PCDH15: variants seen among roughly 807,000 people sequenced by gnomAD.
PCDH15 encodes protocadherin related 15.
In PCDH15, 129 loss-of-function variants were observed where a neutral mutation model predicts 178.5. The observed-to-expected ratio is 0.72, with a 90% CI of 0.63 to 0.84. The LOEUF (loss-of-function observed/expected upper bound fraction) is 0.84, where lower values mean the gene tolerates loss of function less well. Ranked by LOEUF, PCDH15 falls within the 40% of genes least tolerant of loss-of-function variation. The pLI, the probability that PCDH15 is intolerant of heterozygous loss-of-function variation, is 0.00. For missense variants in PCDH15, 2,230 were observed against 2,099.9 expected (o/e 1.06, Z -1.21); for synonymous variants, 800 against 732.0 (o/e 1.09, Z -1.50).
chr10:55,020,605 TTG>T (rs1168633723), intron 2 of PCDH15, among the ~76,000 whole-genome samples: 2 of 152,176 alleles, frequency 1.3e-5, no homozygotes, highest in Non-Finnish European at 2.9e-5. Flanking sequence ...GAAATACATC[TTG>T]GGATCTCAAA....
chr10:54,438,179 A>G (rs1401685787), intron 3 of PCDH15, among the ~76,000 whole-genome samples: 1 of 151,870 alleles, frequency 6.6e-6, no homozygotes, highest in Non-Finnish European at 1.5e-5. Context: ...TTGTTTATCC[A>G]GATGTCCTTC....
At chr10:53,815,606 C>T (rs1319079649) in intron 35 of PCDH15, among the ~76,000 whole-genome samples, 1 of 151,880 alleles carries the variant, frequency 6.6e-6, no homozygotes, top group African/African-American at 2.4e-5. Context: ...ATTCTGTACT[C>T]AAGGAAAAGG....
At chr10:54,956,143 T>A (rs1041255783) in intron 2 of PCDH15, among the ~76,000 whole-genome samples, 1 of 151,394 alleles carries the variant, frequency 6.6e-6, no homozygotes. Context: ...CAGTATTGAT[T>A]GACAGGCCAT....
chr10:54,014,857 A>G (rs1298444640), intron 20 of PCDH15, among the ~76,000 whole-genome samples: 1 of 152,150 alleles, frequency 6.6e-6, no homozygotes, highest in Non-Finnish European at 1.5e-5. Context: ...GAAACGAGAT[A>G]AGGATGTCCT....
chr10:54,797,256 G>C (rs1171554788), intron 1 of PCDH15, among the ~76,000 whole-genome samples: 1 of 151,910 alleles, frequency 6.6e-6, no homozygotes, highest in East Asian at 1.9e-4. Flanking sequence ...ATCCATCAAG[G>C]AACACAATAA....
chr10:54,796,335 G>T (rs1177669011), intron 1 of PCDH15, among the ~76,000 whole-genome samples: 1 of 136,708 alleles, frequency 7.3e-6, no homozygotes, highest in African/African-American at 2.8e-5. Context: ...CATCATCTAG[G>T]TATCTATATC....
intron 2 of PCDH15, among the ~76,000 whole-genome samples, chr10:55,626,033 C>T (rs1286603661): frequency 6.6e-6 from 1 of 151,946 alleles, no homozygotes; most frequent in East Asian, 1.9e-4. Flanking sequence ...TTCAGGGCAA[C>T]CCAACTGTGA....
intron 2 of PCDH15, among the ~76,000 whole-genome samples, chr10:55,623,036 T>C (rs552996596): frequency 6.6e-6 from 1 of 152,296 alleles, no homozygotes; most frequent in Admixed American, 6.5e-5. Flanking sequence ...CTGTTTTCCA[T>C]ATTTTCAAAC....
intron 2 of PCDH15, among the ~76,000 whole-genome samples, chr10:55,336,660 G>A (rs1351844845): frequency 6.6e-6 from 1 of 152,004 alleles, no homozygotes; most frequent in Non-Finnish European, 1.5e-5. Flanking sequence ...TGAATAAACA[G>A]GGCTTGCTAA....
At chr10:53,868,061 G>A (rs955611400) in intron 26 of PCDH15, among the ~76,000 whole-genome samples, 6 of 151,664 alleles carry the variant, frequency 4.0e-5, no homozygotes, top group East Asian at 1.9e-4. Context: ...TGTCTAATTA[G>A]GGGTAATTTT....
intron 1 of PCDH15, among the ~76,000 whole-genome samples, chr10:55,278,986 G>A (rs1386063405): frequency 6.6e-6 from 1 of 152,024 alleles, no homozygotes; most frequent in Non-Finnish European, 1.5e-5. Flanking sequence ...CTTCATTTTA[G>A]TCTGCAGTGT....
At chr10:54,362,283 T>C (rs1946169862) in intron 5 of PCDH15, among the ~76,000 whole-genome samples, 1 of 152,016 alleles carries the variant, frequency 6.6e-6, no homozygotes, top group South Asian at 2.1e-4. Flanking sequence ...AAATTTAAAA[T>C]TGGTCTAGTA....
chr10:54,656,360 T>A (rs1421118329), intron 2 of PCDH15, among the ~76,000 whole-genome samples: 3 of 152,148 alleles, frequency 2.0e-5, no homozygotes, highest in Non-Finnish European at 4.4e-5. Context: ...GGTGCTTCTC[T>A]GTTCCCCTCA....
At position 55,559,777 on chromosome 10, in the gene PCDH15, A is replaced by G. The variant is rs1209308865; in HGVS notation, c.-156+67848T>C. 3.3e-5 allele frequency among the ~76,000 whole-genome samples: 5 copies of G among 151,952 alleles called. No individual in the cohort carries two copies. The East Asian group carries it at 9.7e-4, about 29-fold the overall frequency. On this transcript the variant is annotated intron_variant, in intron 2 of 5. Coordinates refer to the PCDH15 transcript ENST00000613346. The stretch of plus-strand genomic sequence containing the variant: ...TACACATGTAGATGTGAAAGTGTGC[A>G]TCTCCTCTCAACACAGCTTTCTTCA...
chr10:55,546,134 T>G (rs1430130896), intron 2 of PCDH15, among the ~76,000 whole-genome samples: 2 of 152,150 alleles, frequency 1.3e-5, no homozygotes, highest in South Asian at 4.1e-4. Flanking sequence ...ACCCACAACA[T>G]TTTTATTAAA....
intron 13 of PCDH15, among the ~76,000 whole-genome samples, chr10:54,165,858 G>A (rs967702418): frequency 2.0e-5 from 3 of 152,016 alleles, no homozygotes; most frequent in Admixed American, 6.6e-5. Context: ...AAAATGAAGA[G>A]TGGAAAAGAA....
At chr10:54,131,819 T>A (rs972660275) in intron 15 of PCDH15, among the ~76,000 whole-genome samples, 1 of 152,212 alleles carries the variant, frequency 6.6e-6, no homozygotes, top group African/African-American at 2.4e-5. Flanking sequence ...GCTTTCCACA[T>A]CTCAAAAATA....
intron 1 of PCDH15, among the ~76,000 whole-genome samples, chr10:54,726,768 A>T (rs1190670740): frequency 6.7e-6 from 1 of 150,274 alleles, no homozygotes; most frequent in Non-Finnish European, 1.5e-5. Flanking sequence ...AATCAAAAGC[A>T]CTACACAGCA....
chr10:54,674,461 C>A (rs1004559830), intron 1 of PCDH15, among the ~76,000 whole-genome samples: 1 of 152,070 alleles, frequency 6.6e-6, no homozygotes, highest in Non-Finnish European at 1.5e-5. Flanking sequence ...ATCTCAAAAA[C>A]AGTAACTCAA....
Sources: allele counts gnomAD v4.1 joint callset (sites outside exome capture counted in the v4.1 genomes callset), GRCh38; gene constraint gnomAD v4.1.1; transcripts MANE v1.5; gene names NCBI Gene and HGNC (gene_info 2026-07-23, HGNC 2026-07-21).